The following CTNNA2 variants were observed in gnomAD, a reference collection of about 807,000 sequenced individuals.
CTNNA2 encodes catenin alpha 2.
A neutral mutation model predicts 101.0 loss-of-function variants in CTNNA2; 42 were observed. The observed-to-expected ratio is 0.42, with a 90% CI of 0.32 to 0.54. The LOEUF is 0.54. Ranked by LOEUF, CTNNA2 falls within the 20% of genes least tolerant of loss-of-function variation. The pLI is 0.14. For synonymous variants in CTNNA2, 450 were observed against 456.4 expected (o/e 0.99, Z 0.18); for missense variants, 871 against 1,223.1 (o/e 0.71, Z 4.29).
At chr2:80,035,423 ATTG>A (rs1333145288) in intron 7 of CTNNA2, among the ~76,000 whole-genome samples, 1 of 152,220 alleles carries the variant, frequency 6.6e-6, no homozygotes, top group Non-Finnish European at 1.5e-5. Context: ...TTGGTTCACA[ATTG>A]TTGTAAAAAG....
At chr2:79,641,508 G>A (rs1327965189) in intron 1 of CTNNA2, among the ~76,000 whole-genome samples, 1 of 152,142 alleles carries the variant, frequency 6.6e-6, no homozygotes, top group African/African-American at 2.4e-5. Context: ...GGAATCTACT[G>A]TCCAAATCTG....
intron 4 of CTNNA2, among the ~76,000 whole-genome samples, chr2:79,484,611 C>T (rs766201387): frequency 1.3e-5 from 2 of 152,084 alleles, no homozygotes; most frequent in Non-Finnish European, 2.9e-5. Flanking sequence ...TCTGCAAGGG[C>T]GAGGTGCTTG....
intron 1 of CTNNA2, among the ~76,000 whole-genome samples, chr2:79,579,873 C>T (rs1676042018): frequency 6.6e-6 from 1 of 152,166 alleles, no homozygotes; most frequent in Non-Finnish European, 1.5e-5. Context: ...CTCGGCCTTC[C>T]AAAGTGCCGG....
chr2:79,236,610 A>G (rs1674561314), intron 2 of CTNNA2, among the ~76,000 whole-genome samples: 1 of 152,202 alleles, frequency 6.6e-6, no homozygotes, highest in African/African-American at 2.4e-5. Context: ...TCACTATAGA[A>G]CTTGCAAAAT....
At chr2:80,122,250 CCT>C (rs1213537774) in intron 7 of CTNNA2, among the ~76,000 whole-genome samples, 1 of 150,294 alleles carries the variant, frequency 6.7e-6, no homozygotes, top group Non-Finnish European at 1.5e-5. Context: ...ATCTCTCTTC[CCT>C]CTCTCTGTTT....
chr2:80,241,799 C>T (rs1210012137), intron 7 of CTNNA2, among the ~76,000 whole-genome samples: 2 of 152,142 alleles, frequency 1.3e-5, no homozygotes, highest in African/African-American at 2.4e-5. Context: ...GTTAACTTTG[C>T]TGTAGATTAA....
At chr2:79,849,699 A>T (rs1198554541) in intron 3 of CTNNA2, among the ~76,000 whole-genome samples, 1 of 152,204 alleles carries the variant, frequency 6.6e-6, no homozygotes, top group African/African-American at 2.4e-5. Flanking sequence ...TTTCACTAGA[A>T]CTTTCCTTTA....
chr2:80,308,084 C>G (rs566846142), intron 7 of CTNNA2, among the ~76,000 whole-genome samples: 15 of 152,270 alleles, frequency 9.9e-5, no homozygotes, highest in Admixed American at 5.2e-4. Context: ...TGTAAATTAG[C>G]CTTTGCCTAA....
At chr2:79,968,226 G>A (rs1031784598) in intron 7 of CTNNA2, among the ~76,000 whole-genome samples, 1 of 151,776 alleles carries the variant, frequency 6.6e-6, no homozygotes, top group African/African-American at 2.4e-5. Context: ...AAAAAAAACA[G>A]AGCTCATTTA....
At chr2:80,094,876 G>C (rs4852551) in intron 7 of CTNNA2, among the ~76,000 whole-genome samples, 33,825 of 152,104 alleles carry the variant, frequency 0.22, 4,555 homozygotes, top group East Asian at 0.51. Flanking sequence ...GACTGCTGAA[G>C]TTGCTTATCA....
intron 2 of CTNNA2, among the ~76,000 whole-genome samples, chr2:79,659,505 T>A (rs906996131): frequency 9.9e-5 from 15 of 152,176 alleles, no homozygotes; most frequent in African/African-American, 3.4e-4. Context: ...AGGTAAAGGA[T>A]GTGCTAAAAG....
At chr2:79,998,642 C>A (rs1191243480) in intron 7 of CTNNA2, among the ~76,000 whole-genome samples, 2 of 152,056 alleles carry the variant, frequency 1.3e-5, no homozygotes, top group African/African-American at 2.4e-5. Context: ...GCAGTGTTTT[C>A]AAAAAGATAG....
rs150048988 is a variant in CTNNA2, at chr2:79,824,707, A to G, written c.299-33306A>G. Among the ~76,000 whole-genome samples the G allele has an allele frequency of 6.6e-5, 10 of 152,274 alleles. No individual in the cohort carries two copies. The East Asian group carries it at 1.9e-3, about 29-fold the overall frequency. ...AAGTGAGATCGAACCCAAAGATCCT[A>G]CATTGTATAGCTGCCATGGATGCCT... On this transcript the variant is annotated intron_variant, in intron 3 of 18. Transcript: ENST00000402739.
intron 6 of CTNNA2, among the ~76,000 whole-genome samples, chr2:79,907,684 C>G (rs1463565871): frequency 6.6e-6 from 1 of 152,082 alleles, no homozygotes; most frequent in Admixed American, 6.6e-5. Context: ...CTTTTTCATC[C>G]GTTTTCTAAG....
chr2:79,989,458 T>C (rs557742), intron 7 of CTNNA2, among the ~76,000 whole-genome samples: 1 of 151,460 alleles, frequency 6.6e-6, no homozygotes, highest in African/African-American at 2.4e-5. Flanking sequence ...ATCCCGTCTA[T>C]ACAAAAACAA....
intron 4 of CTNNA2, among the ~76,000 whole-genome samples, chr2:79,383,103 A>T (rs1023474196): frequency 5.3e-5 from 8 of 152,234 alleles, no homozygotes; most frequent in African/African-American, 1.9e-4. Flanking sequence ...CAATATATGA[A>T]AAAGCATTTG....
At chr2:79,440,094 C>A (rs1362622301) in intron 4 of CTNNA2, among the ~76,000 whole-genome samples, 2 of 151,936 alleles carry the variant, frequency 1.3e-5, no homozygotes, top group African/African-American at 2.4e-5. Context: ...CTTGGTGGCA[C>A]CCAGGACATT....
chr2:79,858,500 T>C (rs1456199685), intron 4 of CTNNA2, among the ~76,000 whole-genome samples: 1 of 152,196 alleles, frequency 6.6e-6, no homozygotes, highest in African/African-American at 2.4e-5. Context: ...GCCTTTGTTC[T>C]ATCTCAAGAT....
At chr2:79,418,129 C>T (rs981308320) in intron 4 of CTNNA2, among the ~76,000 whole-genome samples, 4 of 151,896 alleles carry the variant, frequency 2.6e-5, no homozygotes, top group African/African-American at 4.8e-5. Context: ...TCCATGGGAG[C>T]GGTTGTGGAT....
Sources: gnomAD v4.1 joint callset for allele counts (sites outside exome capture counted in the v4.1 genomes callset) on GRCh38, gnomAD v4.1.1 for gene constraint, MANE v1.5 for transcripts, NCBI Gene and HGNC (gene_info 2026-07-23, HGNC 2026-07-21) for gene names.